The following FRMD4A variants were observed in gnomAD, a reference collection of about 807,000 sequenced individuals.
FRMD4A encodes the protein FERM domain containing 4A.
In FRMD4A, 29 loss-of-function variants were observed where a neutral mutation model predicts 129.1. The ratio of observed to expected loss-of-function variants is 0.22; its 90% CI spans 0.17 to 0.31. The LOEUF is 0.31. Ranked by LOEUF, FRMD4A falls within the 10% of genes least tolerant of loss-of-function variation. The probability of loss-of-function intolerance (pLI) is 1.00; values close to 1 mark genes in which losing one functional copy is unlikely to be tolerated. For missense variants in FRMD4A, 1,272 were observed against 1,375.8 expected (o/e 0.92, Z 1.19); for synonymous variants, 634 against 571.6 (o/e 1.11, Z -1.56).
At chr10:13,868,205 T>C (rs1363762477) in intron 2 of FRMD4A, among the ~76,000 whole-genome samples, 2 of 151,838 alleles carry the variant, frequency 1.3e-5, no homozygotes, top group Admixed American at 1.3e-4. Context: ...AGGTTGATTG[T>C]AATTTTTTAA....
Position 14,187,156 on chromosome 10 carries a change from AAGGG to A in FRMD4A, c.45+142898_45+142901del, listed in dbSNP as rs368593790. Among the ~76,000 whole-genome samples, 329 of 132,434 alleles carry A rather than the reference AAGGG, an allele frequency of 2.5e-3. 4 individuals are homozygous for A. The highest frequency in any genetic ancestry group is 4.6e-3 in the African/African-American group (166 of 36,042). 86.9% of individuals were successfully genotyped at this position (132,434 alleles called of 152,430 possible). ...GAAAGAAGGAAGGAAGGAAAGAAGG[AAGGG>A]AGGGAGGGAGGGAGGGAGGGCGACA... On this transcript the variant is annotated intron_variant, in intron 2 of 24. Coordinates refer to ENST00000357447, the MANE Select transcript of FRMD4A (RefSeq NM_018027.5).
chr10:14,116,526 T>G (rs914696603), intron 2 of FRMD4A, among the ~76,000 whole-genome samples: 1 of 152,140 alleles, frequency 6.6e-6, no homozygotes, highest in East Asian at 1.9e-4. Context: ...ATGCTACAAA[T>G]GAAAAAGGCT....
chr10:13,736,406 G>C (rs1008699795), intron 12 of FRMD4A, among the ~76,000 whole-genome samples: 1 of 152,180 alleles, frequency 6.6e-6, no homozygotes. Context: ...ATAAGGAAAG[G>C]CTTTGGAGAT....
intron 2 of FRMD4A, among the ~76,000 whole-genome samples, chr10:14,325,453 C>T (rs1843235109): frequency 6.6e-6 from 1 of 152,216 alleles, no homozygotes; most frequent in Non-Finnish European, 1.5e-5. Context: ...TCAACCACTC[C>T]CCTCACCTCA....
intron 2 of FRMD4A, among the ~76,000 whole-genome samples, chr10:13,988,215 T>C (rs1428676402): frequency 6.6e-6 from 1 of 152,202 alleles, no homozygotes; most frequent in Non-Finnish European, 1.5e-5. Context: ...AGACTCCCAT[T>C]TGGTCATGTA....
chr10:13,902,162 A>G (rs2094826991), intron 2 of FRMD4A, among the ~76,000 whole-genome samples: 1 of 152,096 alleles, frequency 6.6e-6, no homozygotes. Flanking sequence ...GGCTACAGGC[A>G]TGTACCACTA....
At chr10:14,289,913 G>A (rs1337797939) in intron 2 of FRMD4A, among the ~76,000 whole-genome samples, 1 of 151,860 alleles carries the variant, frequency 6.6e-6, no homozygotes, top group East Asian at 1.9e-4. Flanking sequence ...GCATAAAGTT[G>A]CAAGACACAA....
chr10:13,700,294 C>G (rs978210673), intron 14 of FRMD4A, among the ~76,000 whole-genome samples: 1 of 151,180 alleles, frequency 6.6e-6, no homozygotes, highest in Admixed American at 6.6e-5. Context: ...ACCCCCAATT[C>G]GCTCACTCTC....
intron 2 of FRMD4A, among the ~76,000 whole-genome samples, chr10:14,288,610 C>T (rs1156972639): frequency 6.6e-6 from 1 of 151,554 alleles, no homozygotes; most frequent in African/African-American, 2.4e-5. Flanking sequence ...TGTTATTGTG[C>T]TAAGAACACT....
intron 12 of FRMD4A, among the ~76,000 whole-genome samples, chr10:13,717,847 T>C (rs79131975): frequency 2.0e-5 from 3 of 151,720 alleles, no homozygotes; most frequent in African/African-American, 4.8e-5. Context: ...GGGGATGGGA[T>C]AGAAGAAAAT....
intron 2 of FRMD4A, among the ~76,000 whole-genome samples, chr10:13,989,182 C>T (rs1214824980): frequency 2.0e-5 from 3 of 152,160 alleles, no homozygotes; most frequent in South Asian, 2.1e-4. Flanking sequence ...TCCCACACTG[C>T]GTCTTAGCGG....
chr10:14,145,933 C>T (rs1384374821), intron 2 of FRMD4A, among the ~76,000 whole-genome samples: 1 of 152,174 alleles, frequency 6.6e-6, no homozygotes, highest in Non-Finnish European at 1.5e-5. Flanking sequence ...TTAGGACCAG[C>T]GGATCACAGG....
At chr10:14,184,130 T>C (rs202175971) in intron 2 of FRMD4A, among the ~76,000 whole-genome samples, 64 of 76,176 alleles carry the variant, frequency 8.4e-4, no homozygotes, top group South Asian at 6.3e-3. Context: ...CTTTTCTTTT[T>C]TTTTTTTTTT....
At chr10:14,177,187 TTTTG>T (rs1343023772) in intron 2 of FRMD4A, among the ~76,000 whole-genome samples, 1 of 151,854 alleles carries the variant, frequency 6.6e-6, no homozygotes, top group East Asian at 1.9e-4. Context: ...GTACCCTTCT[TTTTG>T]TTTGTTTTTG....
At chr10:14,095,292 G>C (rs1836890739) in intron 2 of FRMD4A, among the ~76,000 whole-genome samples, 1 of 152,170 alleles carries the variant, frequency 6.6e-6, no homozygotes, top group Admixed American at 6.5e-5. Flanking sequence ...CCAGGAACGA[G>C]TTCAAGTTTT....
At chr10:14,017,782 C>T (rs906898273) in intron 2 of FRMD4A, among the ~76,000 whole-genome samples, 4 of 152,080 alleles carry the variant, frequency 2.6e-5, no homozygotes, top group African/African-American at 7.2e-5. Flanking sequence ...GGATGAGTCA[C>T]GTGGTATATT....
At chr10:14,273,868 T>G (rs1282886394) in intron 2 of FRMD4A, among the ~76,000 whole-genome samples, 1 of 152,186 alleles carries the variant, frequency 6.6e-6, no homozygotes, top group African/African-American at 2.4e-5. Flanking sequence ...CAAACACTTT[T>G]GAGCACTTAC....
intron 2 of FRMD4A, among the ~76,000 whole-genome samples, chr10:14,310,643 A>G (rs1461101306): frequency 6.6e-6 from 1 of 152,212 alleles, no homozygotes; most frequent in African/African-American, 2.4e-5. Flanking sequence ...AAGCATCTGC[A>G]TAATAAACGA....
chr10:13,655,363 T>C (rs2082050755), intron 22 of FRMD4A: 5 of 151,596 alleles, frequency 3.3e-5, no homozygotes, highest in Admixed American at 3.3e-4. Flanking sequence ...AAAACGTTGG[T>C]TCTTTATCTA....
Sources: gnomAD v4.1 joint callset for allele counts (sites outside exome capture counted in the v4.1 genomes callset) on GRCh38, gnomAD v4.1.1 for gene constraint, MANE v1.5 for transcripts, NCBI Gene and HGNC (gene_info 2026-07-23, HGNC 2026-07-21) for gene names.